The following CTNND2 variants were observed in gnomAD, a reference collection of about 807,000 sequenced individuals.
The protein encoded by CTNND2 is catenin delta-2.
A neutral mutation model predicts 144.4 loss-of-function variants in CTNND2; 22 were observed. The ratio of observed to expected loss-of-function variants is 0.15; its 90% CI spans 0.11 to 0.22. The LOEUF (loss-of-function observed/expected upper bound fraction) is 0.22, where lower values mean the gene tolerates loss of function less well. Among genes scored for constraint, CTNND2 ranks in the 10% least tolerant of loss-of-function variants. CTNND2 has a pLI of 1.00. For missense variants in CTNND2, 1,353 were observed against 1,618.8 expected (o/e 0.84, Z 2.82); for synonymous variants, 751 against 695.6 (o/e 1.08, Z -1.25).
intron 16 of CTNND2, among the ~76,000 whole-genome samples, chr5:11,048,935 G>T (rs547110258): frequency 6.6e-6 from 1 of 152,292 alleles, no homozygotes; most frequent in East Asian, 1.9e-4. Flanking sequence ...TAGCCTGCAG[G>T]ACAGACAGCA....
intron 11 of CTNND2, among the ~76,000 whole-genome samples, chr5:11,188,497 T>C (rs1200559316): frequency 2.0e-5 from 3 of 152,170 alleles, no homozygotes; most frequent in Non-Finnish European, 4.4e-5. Flanking sequence ...AAATAGCTAA[T>C]GCATGCTGGG....
rs1448562206 is a variant in CTNND2, at chr5:11,229,514, C to G, written c.1761+7177G>C. Among the ~76,000 whole-genome samples, 17 of 151,894 alleles carry G rather than the reference C, an allele frequency of 1.1e-4. 1 individual carries two copies. Among genetic ancestry groups the G allele is most frequent in the Admixed American group, 1.1e-3 (16 of 15,232 alleles). On this transcript the variant is annotated intron_variant, in intron 10 of 21. Transcript: ENST00000304623. ...CTCCAGCCTGGGTGACAGAAACAGG[C>G]CTTGTCTCTAAAAATAAATAAATCA...
At chr5:11,130,264 C>G (rs1265631316) in intron 12 of CTNND2, among the ~76,000 whole-genome samples, 1 of 152,176 alleles carries the variant, frequency 6.6e-6, no homozygotes, top group African/African-American at 2.4e-5. Context: ...ACCACACCCC[C>G]CCCATCCACC....
chr5:11,827,510 C>A (rs1302779355), intron 1 of CTNND2, among the ~76,000 whole-genome samples: 1 of 152,060 alleles, frequency 6.6e-6, no homozygotes, highest in Non-Finnish European at 1.5e-5. Flanking sequence ...AAAGCCTGTT[C>A]TCTGAAAACA....
Position 11,564,957 on chromosome 5 carries a change from T to G in CTNND2, c.274A>C (p.Met92Leu), listed in dbSNP as rs1420422941. 6.8e-6 allele frequency: 11 copies of G among 1,613,516 alleles called. No individual in the cohort carries two copies. Among genetic ancestry groups the G allele is most frequent in the Non-Finnish European group, 9.3e-6 (11 of 1,179,562 alleles). The stretch of plus-strand genomic sequence containing the variant: ...CGGCGCTAGTACCTCATGCTGCTCA[T>G]GCTGCCAGTCTCGGATCCGAGCTTG... Reference protein sequence around the residue: ...RCKLGSETGSMSSMSSAEEQF... With the variant: ...RCKLGSETGSLSSMSSAEEQF... The change falls in exon 3 of 22, where the codon ATG (methionine) becomes CTG (leucine). Residue 92 changes from methionine to leucine, a missense_variant. By Grantham distance (15) the Met-to-Leu change is conservative. Around this residue, in one of 4 missense-constraint regions of CTNND2, gnomAD observed 708 missense variants for 706.4 expected, o/e 1.00. Coordinates refer to ENST00000304623, the MANE Select transcript of CTNND2 (RefSeq NM_001332.4).
intron 10 of CTNND2, among the ~76,000 whole-genome samples, chr5:11,223,238 G>A (rs1739977732): frequency 6.6e-6 from 1 of 152,104 alleles, no homozygotes; most frequent in Admixed American, 6.5e-5. Context: ...TCTCCCCTGT[G>A]ACCCTGCCCT....
chr5:11,423,097 T>C (rs1244933795), intron 3 of CTNND2, among the ~76,000 whole-genome samples: 1 of 152,228 alleles, frequency 6.6e-6, no homozygotes, highest in Non-Finnish European at 1.5e-5. Flanking sequence ...AATTGGAATG[T>C]AGTAAGTTGA....
chr5:11,903,314 G>A lies in CTNND2; in HGVS notation c.37+503C>T, dbSNP rs1173279017. The A allele has an allele frequency of 1.0e-6, 1 of 985,820 alleles. No individual in the cohort carries two copies. The highest frequency in any genetic ancestry group is 1.1e-4 in the East Asian group (1 of 8,810). 61.1% of individuals were successfully genotyped at this position (985,820 alleles called of 1,614,324 possible). On this transcript the variant is annotated intron_variant, in intron 1 of 21. Coordinates refer to ENST00000304623, the MANE Select transcript of CTNND2 (RefSeq NM_001332.4). The surrounding 1 kb of genome is among the most constrained non-coding windows in gnomAD (Gnocchi z 5.4). ...GGGGGCTCAGGGTCTGGCAAGCCGC[G>A]GGAGCCTGAAGACACGGCCATGGAC...
intron 9 of CTNND2, among the ~76,000 whole-genome samples, chr5:11,300,568 C>T (rs917695776): frequency 2.6e-5 from 4 of 152,102 alleles, no homozygotes; most frequent in African/African-American, 9.7e-5. Flanking sequence ...CACACAGTTC[C>T]CAGATTTAGC....
intron 1 of CTNND2, among the ~76,000 whole-genome samples, chr5:11,759,587 G>A (rs1285023486): frequency 1.3e-5 from 2 of 151,762 alleles, no homozygotes; most frequent in Admixed American, 1.3e-4. Flanking sequence ...AGATCAAAAA[G>A]CAATAAAAAT....
At chr5:11,641,634 G>A (rs1367506871) in intron 2 of CTNND2, among the ~76,000 whole-genome samples, 3 of 139,004 alleles carry the variant, frequency 2.2e-5, no homozygotes, top group Admixed American at 1.4e-4. Flanking sequence ...ACATATACGT[G>A]TGTGTATATA....
chr5:11,143,043 C>G (rs967713668), intron 12 of CTNND2, among the ~76,000 whole-genome samples: 2 of 152,104 alleles, frequency 1.3e-5, no homozygotes, highest in Non-Finnish European at 2.9e-5. Flanking sequence ...CCTCCTTCCC[C>G]CTTGACTTCT....
intron 2 of CTNND2, among the ~76,000 whole-genome samples, chr5:11,710,165 C>T (rs1445575330): frequency 1.3e-5 from 2 of 152,158 alleles, no homozygotes; most frequent in East Asian, 3.9e-4. Flanking sequence ...CCTTCCTCAG[C>T]TTTAAGGAGC....
rs918334271 is a variant in CTNND2 at position 11,334,340 on chromosome 5, G to A, written c.1628+12032C>T. Among the ~76,000 whole-genome samples, 3 of 152,128 alleles carry A rather than the reference G, an allele frequency of 2.0e-5. 1 individual carries two copies. The highest frequency in any genetic ancestry group is 4.1e-4 in the South Asian group (2 of 4,828). ...AATATATACAACTATTCTATGGCACGTGAGTATCTTAAGGTAATTTTACAT... is the reference window on the plus strand; with the variant it reads ...AATATATACAACTATTCTATGGCACATGAGTATCTTAAGGTAATTTTACAT... On this transcript the variant is annotated intron_variant, in intron 9 of 21. Transcript: ENST00000304623.
intron 16 of CTNND2, among the ~76,000 whole-genome samples, chr5:11,029,098 C>T (rs1381945176): frequency 1.3e-5 from 2 of 152,188 alleles, no homozygotes; most frequent in Non-Finnish European, 1.5e-5. Context: ...TGGGTTGATA[C>T]TTCATTTTCA....
At chr5:10,976,099 G>C (rs996800192) in intron 21 of CTNND2, among the ~76,000 whole-genome samples, 3 of 116,362 alleles carry the variant, frequency 2.6e-5, no homozygotes, top group African/African-American at 9.1e-5. Context: ...GCTGCACCCG[G>C]AGAGACAGAA....
chr5:11,507,987 ATT>A (rs33991357), intron 3 of CTNND2, among the ~76,000 whole-genome samples: 14,694 of 147,408 alleles, frequency 0.1, 867 homozygotes, highest in African/African-American at 0.16. Flanking sequence ...AAAGAAATGG[ATT>A]TTTTTTTTTT....
At chr5:11,345,819 C>T (rs557411150) in intron 9 of CTNND2, among the ~76,000 whole-genome samples, 1 of 151,794 alleles carries the variant, frequency 6.6e-6, no homozygotes, top group South Asian at 2.1e-4. Flanking sequence ...AAAAAAAAAC[C>T]TCCATAACAA....
intron 10 of CTNND2, among the ~76,000 whole-genome samples, chr5:11,205,546 A>C (rs1737954608): frequency 6.6e-6 from 1 of 152,200 alleles, no homozygotes; most frequent in South Asian, 2.1e-4. Context: ...TAGATGACTA[A>C]GCAGATGTAT....
Sources: gnomAD v4.1 joint callset for allele counts (sites outside exome capture counted in the v4.1 genomes callset) on GRCh38, gnomAD v4.1.1 for gene constraint, gnomAD v4.1.1 regional missense constraint, Gnocchi (gnomAD v3.1) non-coding constraint, MANE v1.5 for transcripts, NCBI Gene and HGNC (gene_info 2026-07-23, HGNC 2026-07-21) for gene names.